CRIM1: variants seen among roughly 807,000 people sequenced by gnomAD.
CRIM1 encodes the protein cysteine-rich motor neuron 1 protein.
In CRIM1, 32 loss-of-function variants were observed where a neutral mutation model predicts 116.4. That is an observed-to-expected ratio of 0.27 (90% CI 0.21 to 0.37). CRIM1 has a LOEUF of 0.37. CRIM1 is among the 10% of genes least tolerant of loss of function. CRIM1 has a pLI of 1.00. For synonymous variants in CRIM1, 590 were observed against 509.2 expected (o/e 1.16, Z -2.13); for missense variants, 1,331 against 1,354.8 (o/e 0.98, Z 0.28).
At chr2:36,526,517 A>G (rs972135394) in intron 13 of CRIM1, among the ~76,000 whole-genome samples, 16 of 152,170 alleles carry the variant, frequency 1.1e-4, no homozygotes, top group Non-Finnish European at 1.6e-4. Context: ...GCTTTCAGTG[A>G]AGTCTTTATT....
rs1382428968 is a variant in CRIM1 at position 36,534,673 on chromosome 2, GGAAGGAAAAGGAAGACAGGAA to G, written c.2429-2642_2429-2622del. Among the ~76,000 whole-genome samples, 973 of 148,452 alleles carry G rather than the reference GGAAGGAAAAGGAAGACAGGAA, an allele frequency of 6.6e-3. 23 individuals are homozygous for G. Among genetic ancestry groups the G allele is most frequent in the South Asian group, 0.047 (218 of 4,630 alleles). The stretch of plus-strand genomic sequence containing the variant: ...GAAGGGAAGGAAGGAAGGAAATACA[GGAAGGAAAAGGAAGACAGGAA>G]GAAGGAAAAGGAAGACAGGAAGAAG... On this transcript the variant is annotated intron_variant, in intron 13 of 16. Transcript: ENST00000280527.
Position 36,544,430 on chromosome 2 carries a change from G to A in CRIM1, c.2678G>A (p.Gly893Glu). The A allele has an allele frequency of 7.0e-7, 1 of 1,431,062 alleles. No homozygotes were observed. Among genetic ancestry groups the A allele is most frequent in the Non-Finnish European group, 9.2e-7 (1 of 1,086,716 alleles). The allele number at this position is 1,431,062 out of a possible 1,614,324, so 88.6% of individuals were successfully genotyped here. Reference protein sequence around the residue: ...NIPIEKTNHRGEVDLEVPLWP... With the variant: ...NIPIEKTNHREEVDLEVPLWP... ...CCCATTGAGAAGACAAACCATCGAGGAGAGGTTGACCTGGAGGTTCCCCTG... is the reference window on the plus strand; with the variant it reads ...CCCATTGAGAAGACAAACCATCGAGAAGAGGTTGACCTGGAGGTTCCCCTG... Residue 893 changes from glycine to glutamate, a missense_variant, in exon 15 of 17, where the codon GGA becomes GAA. Gly to Glu is a moderately conservative substitution (Grantham distance 98, BLOSUM62 -2). This residue lies in a region of CRIM1 where 283 missense variants were observed against 242.8 expected (regional missense o/e 1.17). Transcript: ENST00000280527.
Position 36,484,334 on chromosome 2 carries a change from A to AT in CRIM1, c.1372+4650dup, listed in dbSNP as rs34341743. On this transcript the variant is annotated intron_variant, in intron 7 of 16. Coordinates refer to ENST00000280527, the MANE Select transcript of CRIM1 (RefSeq NM_016441.3). ...ATTAGATATTGAGAATTATTTGCTG[A>AT]TTTTTTTTTTCAATAATAGCAAGTA... Among the ~76,000 whole-genome samples the AT allele has an allele frequency of 3.5e-4, 52 of 150,250 alleles. No homozygotes were observed. The South Asian group carries it at 4.6e-3, about 13-fold the overall frequency.
intron 4 of CRIM1, among the ~76,000 whole-genome samples, chr2:36,454,641 T>G (rs1373251634): frequency 6.6e-6 from 1 of 152,208 alleles, no homozygotes; most frequent in Non-Finnish European, 1.5e-5. Flanking sequence ...ACATGTTTTC[T>G]TTAATGTGCC....
chr2:36,536,023 A>G (rs758194672), intron 13 of CRIM1, among the ~76,000 whole-genome samples: 1 of 152,166 alleles, frequency 6.6e-6, no homozygotes, highest in African/African-American at 2.4e-5. Context: ...CCAAGGGACA[A>G]TTGTAATTGG....
intron 2 of CRIM1, among the ~76,000 whole-genome samples, chr2:36,398,667 A>C (rs1672211494): frequency 6.6e-6 from 1 of 152,202 alleles, no homozygotes; most frequent in African/African-American, 2.4e-5. Flanking sequence ...CAAATGTGGA[A>C]TTAGTTGAGG....
intron 16 of CRIM1, among the ~76,000 whole-genome samples, 174 bp from the exon 17 acceptor site, chr2:36,548,351 C>T (rs966254574): frequency 6.6e-6 from 1 of 150,838 alleles, no homozygotes; most frequent in African/African-American, 2.4e-5. Context: ...TGTCAGTGTC[C>T]CTCATAAAAG....
In CRIM1 at chr2:36,547,083, T is replaced by C. The variant is rs1667402357; in HGVS notation, c.2846T>C (p.Ile949Thr). The change falls in exon 16 of 17, where the codon ATA becomes ACA. Residue 949 changes from isoleucine (I) to threonine (T), a missense_variant. Ile to Thr is a moderately conservative substitution (Grantham distance 89). Transcript: ENST00000280527. ...GCCTCAGTTGTGGTTCCCATAATTA[T>C]ATGCCTCTCTATTATAATAGCATTC... ...SIASVVVPIIICLSIIIAFLF... is the reference protein window; with the variant it reads ...SIASVVVPIITCLSIIIAFLF... The C allele has an allele frequency of 1.9e-6, 3 of 1,611,974 alleles. No individual in the cohort carries two copies. The highest frequency in any genetic ancestry group is 2.5e-6 in the Non-Finnish European group (3 of 1,178,286).
intron 14 of CRIM1, 131 bp downstream of exon 14, chr2:36,537,677 C>T (rs1666648564): frequency 9.8e-7 from 1 of 1,016,906 alleles, no homozygotes. Flanking sequence ...CCAGTTAGCG[C>T]CTCCACCCAA....
chr2:36,394,890 G>A (rs1671896641), intron 1 of CRIM1, among the ~76,000 whole-genome samples: 1 of 151,828 alleles, frequency 6.6e-6, no homozygotes, highest in African/African-American at 2.4e-5. Flanking sequence ...ACGACCTCTT[G>A]ATGAGAAAAT....
At chr2:36,381,454 T>G (rs1670764764) in intron 1 of CRIM1, among the ~76,000 whole-genome samples, 1 of 150,688 alleles carries the variant, frequency 6.6e-6, no homozygotes, top group Non-Finnish European at 1.5e-5. Context: ...GCAGTTGGGG[T>G]GAGGAGGAAA....
At chr2:36,473,056 C>T (rs1418648372) in intron 5 of CRIM1, among the ~76,000 whole-genome samples, 1 of 152,212 alleles carries the variant, frequency 6.6e-6, no homozygotes, top group Non-Finnish European at 1.5e-5. Context: ...CAAATCACGT[C>T]ATCTCTTTAA....
intron 2 of CRIM1, among the ~76,000 whole-genome samples, chr2:36,422,536 T>C (rs930126852): frequency 6.6e-6 from 1 of 152,216 alleles, no homozygotes; most frequent in Non-Finnish European, 1.5e-5. Flanking sequence ...TTTCACTACT[T>C]ATCGCTCTTC....
At chr2:36,522,435 A>C (rs1665457339) in intron 13 of CRIM1, 122 bp downstream of exon 13, 1 of 730,614 alleles carries the variant, frequency 1.4e-6, no homozygotes, top group Non-Finnish European at 2.4e-6. Flanking sequence ...GACATGTCAC[A>C]CAGACCCAGT....
intron 14 of CRIM1, 55 bp downstream of exon 14, chr2:36,537,601 A>C: frequency 6.7e-7 from 1 of 1,502,730 alleles, no homozygotes; most frequent in South Asian, 1.3e-5. Context: ...TTTAAGATGA[A>C]ATCGAAGCAG....
intron 4 of CRIM1, among the ~76,000 whole-genome samples, chr2:36,458,647 G>C (rs1212918899): frequency 1.3e-5 from 2 of 152,190 alleles, no homozygotes; most frequent in Non-Finnish European, 2.9e-5. Flanking sequence ...CCTGAAGGTT[G>C]AGGTGCTTGG....
chr2:36,458,964 G>A (rs186867030), intron 4 of CRIM1, among the ~76,000 whole-genome samples: 1 of 152,128 alleles, frequency 6.6e-6, no homozygotes, highest in Admixed American at 6.5e-5. Flanking sequence ...TTCCCTCGTG[G>A]TATCTCTCAC....
At chr2:36,482,002 A>G (rs930142415) in intron 7 of CRIM1, among the ~76,000 whole-genome samples, 12 of 152,322 alleles carry the variant, frequency 7.9e-5, no homozygotes, top group Admixed American at 7.2e-4. Context: ...CGCAGTTTGA[A>G]GACCTCAGGG....
intron 6 of CRIM1, 38 bp downstream of exon 6, chr2:36,477,109 A>G: frequency 1.3e-6 from 2 of 1,505,324 alleles, no homozygotes; most frequent in Non-Finnish European, 1.8e-6. Flanking sequence ...ACAGGAGCAT[A>G]CATGGTATAG....
Sources: allele counts gnomAD v4.1 joint callset (sites outside exome capture counted in the v4.1 genomes callset), GRCh38; gene constraint gnomAD v4.1.1; regional missense constraint gnomAD v4.1.1; transcripts MANE v1.5; gene names NCBI Gene and HGNC (gene_info 2026-07-23, HGNC 2026-07-21).